CERS6: variants seen among roughly 807,000 people sequenced by gnomAD.
CERS6 encodes LAG1 homolog, ceramide synthase 6.
CERS6 carries 26 observed loss-of-function variants against 56.8 expected under a neutral mutation model. The observed-to-expected ratio is 0.46, with a 90% CI of 0.34 to 0.63. CERS6 has a LOEUF of 0.63. Among genes scored for constraint, CERS6 ranks in the 30% least tolerant of loss-of-function variants. The pLI, the probability that CERS6 is intolerant of heterozygous loss-of-function variation, is 0.01. For synonymous variants in CERS6, 164 were observed against 173.3 expected, an observed-to-expected ratio of 0.95 and a Z score of 0.42; for missense variants, 415 against 467.5, an observed-to-expected ratio of 0.89 and a Z score of 1.04.
chr2:168,703,290 C>G (rs191264350), intron 6 of CERS6, among the ~76,000 whole-genome samples: 1 of 152,296 alleles, frequency 6.6e-6, no homozygotes, highest in Non-Finnish European at 1.5e-5. Flanking sequence ...GGTTTTGTGG[C>G]TCATGCCTGT....
chr2:168,598,898 T>A (rs1335625708), intron 3 of CERS6, among the ~76,000 whole-genome samples: 1 of 152,192 alleles, frequency 6.6e-6, no homozygotes, highest in Non-Finnish European at 1.5e-5. Flanking sequence ...CTAATTCACC[T>A]CTCTGGAGAC....
intron 3 of CERS6, among the ~76,000 whole-genome samples, chr2:168,626,877 T>G (rs1684602997): frequency 6.6e-6 from 1 of 152,172 alleles, no homozygotes; most frequent in African/African-American, 2.4e-5. Context: ...TTCCACTAGC[T>G]AAGCCAACAT....
intron 3 of CERS6, among the ~76,000 whole-genome samples, chr2:168,617,030 A>G (rs969372143): frequency 3.9e-5 from 6 of 152,306 alleles, no homozygotes; most frequent in African/African-American, 1.4e-4. Flanking sequence ...TATATCAAAC[A>G]TTCTCTGAGA....
At chr2:168,518,125 G>T (rs1338385788) in intron 1 of CERS6, among the ~76,000 whole-genome samples, 1 of 152,116 alleles carries the variant, frequency 6.6e-6, no homozygotes, top group Non-Finnish European at 1.5e-5. Context: ...TTTTCATTGG[G>T]AATCTAGTTT....
At chr2:168,648,882 T>G (rs1685270386) in intron 4 of CERS6, among the ~76,000 whole-genome samples, 1 of 152,178 alleles carries the variant, frequency 6.6e-6, no homozygotes, top group Non-Finnish European at 1.5e-5. Context: ...TTCTTTTGCA[T>G]TTAGTGAGGA....
At chr2:168,542,877 A>G (rs942545747) in intron 1 of CERS6, among the ~76,000 whole-genome samples, 1 of 151,950 alleles carries the variant, frequency 6.6e-6, no homozygotes, top group South Asian at 2.1e-4. Flanking sequence ...TGGTATTTTT[A>G]GTAGAGATGG....
intron 3 of CERS6, among the ~76,000 whole-genome samples, chr2:168,615,459 T>TA (rs201935937): frequency 0.011 from 1,585 of 144,770 alleles, 16 homozygotes; most frequent in South Asian, 0.015. Flanking sequence ...TTTAACGAAA[T>TA]AAAAAAAAAA....
At chr2:168,744,106 CGCCATTCTCCT>C (rs201553742) in intron 8 of CERS6, among the ~76,000 whole-genome samples, 2,541 of 147,816 alleles carry the variant, frequency 0.017, 69 homozygotes, top group African/African-American at 0.059. Context: ...CCTGTGTTCT[CGCCATTCTCCT>C]GCCTCAGCCT....
chr2:168,510,910 T>C (rs1263892771), intron 1 of CERS6, among the ~76,000 whole-genome samples: 1 of 152,134 alleles, frequency 6.6e-6, no homozygotes, highest in African/African-American at 2.4e-5. Context: ...GATGAGAAGA[T>C]TGAGGAATAG....
rs143968351 is a variant in CERS6, at chr2:168,612,364, G to A, written c.408-18621G>A. On this transcript the variant is annotated intron_variant, in intron 3 of 9. Coordinates refer to ENST00000305747, the MANE Select transcript of CERS6 (RefSeq NM_203463.3). ...TAAAGGATGACTAATAACATATGTT[G>A]TCTTAATGTTAGAACAATATCTTAT... Among the ~76,000 whole-genome samples, 122 of 152,302 alleles carry A rather than the reference G, an allele frequency of 8.0e-4. 1 individual carries two copies. In the East Asian group the frequency reaches 0.019, roughly 23 times the overall value.
rs76934977 is a variant in CERS6 at position 168,582,215 on chromosome 2, G to A, written c.407+20893G>A. On this transcript the variant is annotated intron_variant, in intron 3 of 9. Transcript: ENST00000305747. ...ATCTTGGGGTCCCAGCTTAATATGC[G>A]CAGTGTCTTCTATAATATCCTCCAC... Among the ~76,000 whole-genome samples, 1,220 of 152,242 alleles carry A rather than the reference G, an allele frequency of 8.0e-3. 12 individuals are homozygous for A. Among genetic ancestry groups the A allele is most frequent in the African/African-American group, 0.017 (696 of 41,540 alleles).
At chr2:168,686,453 A>AAG (rs1365779557) in intron 4 of CERS6, among the ~76,000 whole-genome samples, 2 of 145,652 alleles carry the variant, frequency 1.4e-5, no homozygotes, top group African/African-American at 5.4e-5. Context: ...AACCAAGGCA[A>AAG]AAAAAAAAAA....
At chr2:168,713,442 A>G (rs1340530009) in intron 6 of CERS6, among the ~76,000 whole-genome samples, 1 of 152,152 alleles carries the variant, frequency 6.6e-6, no homozygotes, top group Admixed American at 6.5e-5. Flanking sequence ...AGAAATTCAG[A>G]CTTACTCTGA....
chr2:168,498,809 G>C (rs556562254), intron 1 of CERS6, among the ~76,000 whole-genome samples: 1 of 152,174 alleles, frequency 6.6e-6, no homozygotes, highest in Admixed American at 6.5e-5. Flanking sequence ...GTCCATATCA[G>C]TGGGGATGTC....
At chr2:168,710,551 G>A (rs926796431) in intron 6 of CERS6, among the ~76,000 whole-genome samples, 9 of 152,142 alleles carry the variant, frequency 5.9e-5, no homozygotes, top group Non-Finnish European at 1.0e-4. Flanking sequence ...CTACGTTAAT[G>A]GATCCATTGT....
rs557096916 is a variant in CERS6, at chr2:168,622,835, C to T, written c.408-8150C>T. 2.0e-5 allele frequency among the ~76,000 whole-genome samples: 3 copies of T among 152,314 alleles called. No individual in the cohort carries two copies. In the South Asian group the frequency reaches 6.2e-4, roughly 32 times the overall value. On this transcript the variant is annotated intron_variant, in intron 3 of 9. Coordinates refer to ENST00000305747, the MANE Select transcript of CERS6 (RefSeq NM_203463.3). ...ACTCAAGTCTGCATAACCTGTCTAA[C>T]GGATGAGTAACATCTTTTCCCCTAG...
chr2:168,649,626 G>C (rs1316472227), intron 4 of CERS6, among the ~76,000 whole-genome samples: 1 of 152,072 alleles, frequency 6.6e-6, no homozygotes. Context: ...TTATGGGAAA[G>C]GTTTGCTTTA....
chr2:168,562,003 A>G (rs1695798338), intron 3 of CERS6, among the ~76,000 whole-genome samples: 1 of 152,182 alleles, frequency 6.6e-6, no homozygotes, highest in Non-Finnish European at 1.5e-5. Flanking sequence ...CATTGAGAAC[A>G]TCCCCAAGAA....
At chr2:168,563,026 G>C (rs1316254922) in intron 3 of CERS6, among the ~76,000 whole-genome samples, 1 of 152,082 alleles carries the variant, frequency 6.6e-6, no homozygotes, top group East Asian at 1.9e-4. Context: ...TAACTTCTTT[G>C]GTGACTTGGT....
Sources: gnomAD v4.1 joint callset for allele counts (sites outside exome capture counted in the v4.1 genomes callset) on GRCh38, gnomAD v4.1.1 for gene constraint, MANE v1.5 for transcripts, NCBI Gene and HGNC (gene_info 2026-07-23, HGNC 2026-07-21) for gene names.